The following PDE3A variants were observed in gnomAD, a reference collection of about 807,000 sequenced individuals.
The protein encoded by PDE3A is phosphodiesterase 3A.
PDE3A carries 43 observed loss-of-function variants against 98.3 expected under a neutral mutation model. That is an observed-to-expected ratio of 0.44 (90% confidence interval 0.34 to 0.56). The LOEUF (loss-of-function observed/expected upper bound fraction) is 0.56, where lower values mean the gene tolerates loss of function less well. Ranked by LOEUF, PDE3A falls within the 20% of genes least tolerant of loss-of-function variation. The pLI is 0.01. For missense variants in PDE3A, 1,427 were observed against 1,440.7 expected (o/e 0.99, Z 0.15); for synonymous variants, 663 against 567.9 (o/e 1.17, Z -2.38).
intron 5 of PDE3A, among the ~76,000 whole-genome samples, chr12:20,627,694 T>G (rs927118119): frequency 6.6e-6 from 1 of 152,174 alleles, no homozygotes; most frequent in Admixed American, 6.5e-5. Context: ...AATTTTCTTT[T>G]TTATTGACTT....
At chr12:20,399,018 T>C (rs1258774184) in intron 1 of PDE3A, among the ~76,000 whole-genome samples, 1 of 152,170 alleles carries the variant, frequency 6.6e-6, no homozygotes, top group Non-Finnish European at 1.5e-5. Context: ...CATTCCACTT[T>C]CTGTCTCCAT....
intron 1 of PDE3A, among the ~76,000 whole-genome samples, chr12:20,444,662 AT>A (rs1280380700): frequency 6.6e-6 from 1 of 152,170 alleles, no homozygotes; most frequent in Non-Finnish European, 1.5e-5. Flanking sequence ...AAAAGTGTTA[AT>A]TCTCTCTGAT....
In PDE3A at chr12:20,683,257, A is replaced by C. The variant is rs1945845381; in HGVS notation, c.*2986A>C. The C allele has an allele frequency of 6.6e-6, 1 of 152,142 alleles. No individual in the cohort carries two copies. Among genetic ancestry groups the C allele is most frequent in the Non-Finnish European group, 1.5e-5 (1 of 68,038 alleles). 9.4% of individuals were successfully genotyped at this position (152,142 alleles called of 1,614,324 possible). A position where few individuals can be genotyped will look rare whatever the true frequency, so the allele number is the denominator to read the frequency against. Reference sequence around the variant, plus strand: ...GTTCTCCCCCTTTTTGGTGACAGCAATATTATTATGTTCACATCTAACTCC... The same window carrying C: ...GTTCTCCCCCTTTTTGGTGACAGCACTATTATTATGTTCACATCTAACTCC... On this transcript the variant is annotated 3_prime_UTR_variant, in exon 16 of 16. Transcript: ENST00000359062.
intron 1 of PDE3A, among the ~76,000 whole-genome samples, chr12:20,370,523 C>T (rs1398248739): frequency 6.6e-6 from 1 of 151,312 alleles, no homozygotes; most frequent in Non-Finnish European, 1.5e-5. Context: ...CACAGCTGGG[C>T]CAACTTTTTA....
rs1945755716 is a variant in PDE3A at position 20,680,622 on chromosome 12, T to C, written c.*351T>C. 1 of 175,982 alleles carries C rather than the reference T, an allele frequency of 5.7e-6. No homozygotes were observed. Among genetic ancestry groups the C allele is most frequent in the African/African-American group, 2.4e-5 (1 of 42,018 alleles). The allele number at this position is 175,982 out of a possible 1,614,324, so 10.9% of individuals were successfully genotyped here. On this transcript the variant is annotated 3_prime_UTR_variant, in exon 16 of 16. Transcript: ENST00000359062. ...GGCCACGATTGCTGGCTCCACAATTTAGTAACATTTATATTAAGATATATA... is the reference window on the plus strand; with the variant it reads ...GGCCACGATTGCTGGCTCCACAATTCAGTAACATTTATATTAAGATATATA...
rs142387070 is a variant in PDE3A at position 20,569,825 on chromosome 12, C to T, written c.1011+13115C>T. ...AGTAAGATTTAAGAATCTGGATTGA[C>T]GTCAAGCCCAATATCATATGGCTTT... On this transcript the variant is annotated intron_variant, in intron 2 of 15. Coordinates refer to ENST00000359062, the MANE Select transcript of PDE3A (RefSeq NM_000921.5). 2.4e-3 allele frequency among the ~76,000 whole-genome samples: 369 copies of T among 152,220 alleles called. 1 individual carries two copies. Among genetic ancestry groups the T allele is most frequent in the Non-Finnish European group, 3.6e-3 (247 of 68,016 alleles).
chr12:20,543,105 G>A (rs1941962296), intron 1 of PDE3A, among the ~76,000 whole-genome samples: 1 of 152,018 alleles, frequency 6.6e-6, no homozygotes, highest in African/African-American at 2.4e-5. Flanking sequence ...CTGAAGTTAA[G>A]TTCATATAGT....
chr12:20,681,925 A>C lies in PDE3A; in HGVS notation c.*1654A>C, dbSNP rs760447407. 7 of 152,282 alleles carry C rather than the reference A, an allele frequency of 4.6e-5. No homozygotes were observed. The highest frequency in any genetic ancestry group is 1.0e-4 in the Non-Finnish European group (7 of 68,028). The allele number at this position is 152,282 out of a possible 1,614,324, so 9.4% of individuals were successfully genotyped here. On this transcript the variant is annotated 3_prime_UTR_variant, in exon 16 of 16. Transcript: ENST00000359062. ...CTCTTTTTTTAAAAAAGGAAAAGGG[A>C]AACATTTTTATAAAGTTATATTTTA...
chr12:20,686,282 A>G lies in PDE3A; in HGVS notation c.*6011A>G, dbSNP rs1945959011. Among the ~76,000 whole-genome samples, 1 of 152,160 alleles carries G rather than the reference A, an allele frequency of 6.6e-6. No homozygotes were observed. The highest frequency in any genetic ancestry group is 2.1e-4 in the South Asian group (1 of 4,832). On this transcript the variant is annotated 3_prime_UTR_variant, in exon 16 of 16. Coordinates refer to ENST00000359062, the MANE Select transcript of PDE3A (RefSeq NM_000921.5). ...CTTCTGAGTTTTCCTAAGACAAAGG[A>G]GTGTATTATCCAGCAATTTATTGTT...
intron 1 of PDE3A, among the ~76,000 whole-genome samples, chr12:20,481,495 A>G (rs1451061532): frequency 1.3e-5 from 2 of 152,136 alleles, no homozygotes; most frequent in Non-Finnish European, 2.9e-5. Flanking sequence ...AGTCATTTGG[A>G]TAAGAAGACT....
At chr12:20,586,603 G>C (rs1471859715) in intron 2 of PDE3A, among the ~76,000 whole-genome samples, 1 of 152,166 alleles carries the variant, frequency 6.6e-6, no homozygotes, top group Non-Finnish European at 1.5e-5. Flanking sequence ...CTAAAACTTT[G>C]TTTAACTTGA....
At chr12:20,476,006 A>G (rs570491481) in intron 1 of PDE3A, among the ~76,000 whole-genome samples, 3 of 152,310 alleles carry the variant, frequency 2.0e-5, no homozygotes, top group African/African-American at 7.2e-5. Context: ...AGTTCATGCT[A>G]CAAGTTATGT....
At chr12:20,583,454 T>C (rs1358560347) in intron 2 of PDE3A, among the ~76,000 whole-genome samples, 1 of 152,012 alleles carries the variant, frequency 6.6e-6, no homozygotes, top group Admixed American at 6.5e-5. Context: ...GGAATAAGGG[T>C]TTTGATAAGA....
chr12:20,424,092 C>T lies in PDE3A; in HGVS notation c.960+53848C>T, dbSNP rs548751187. On this transcript the variant is annotated intron_variant, in intron 1 of 15. Transcript: ENST00000359062. ...GGATTTTTGCAGTTTCATGCATAAC[C>T]GTAAGTGCAGTATTAAAAAAATACA... Among the ~76,000 whole-genome samples the T allele has an allele frequency of 3.3e-5, 5 of 149,832 alleles. No homozygotes were observed. The South Asian group carries it at 1.1e-3, about 32-fold the overall frequency.
intron 10 of PDE3A, among the ~76,000 whole-genome samples, chr12:20,641,776 T>C (rs1374313619): frequency 6.6e-6 from 1 of 152,164 alleles, no homozygotes; most frequent in Non-Finnish European, 1.5e-5. Context: ...TTACAAGTAA[T>C]AGATATTTTT....
intron 1 of PDE3A, among the ~76,000 whole-genome samples, chr12:20,413,445 T>C (rs1458426759): frequency 6.6e-6 from 1 of 152,154 alleles, no homozygotes; most frequent in Non-Finnish European, 1.5e-5. Flanking sequence ...AGGAAGGGGC[T>C]TCACTGGCCC....
intron 1 of PDE3A, among the ~76,000 whole-genome samples, chr12:20,410,215 C>A (rs1268309229): frequency 6.6e-6 from 1 of 152,090 alleles, no homozygotes; most frequent in Non-Finnish European, 1.5e-5. Context: ...TTTTTGTAGC[C>A]ATCCTCAGGG....
chr12:20,548,299 A>T, intron 1 of PDE3A, among the ~76,000 whole-genome samples: 1 of 152,096 alleles, frequency 6.6e-6, no homozygotes, highest in Non-Finnish European at 1.5e-5. Flanking sequence ...AGACGGAAAG[A>T]TTTTATTTGC....
At chr12:20,622,026 A>T (rs1944148435) in intron 5 of PDE3A, among the ~76,000 whole-genome samples, 1 of 152,102 alleles carries the variant, frequency 6.6e-6, no homozygotes. Context: ...TTTGGAATCT[A>T]ACTTCATGGT....
Sources: gnomAD v4.1 joint callset for allele counts (sites outside exome capture counted in the v4.1 genomes callset) on GRCh38, gnomAD v4.1.1 for gene constraint, MANE v1.5 for transcripts, NCBI Gene and HGNC (gene_info 2026-07-23, HGNC 2026-07-21) for gene names.